Variants in RANBP3 observed in about 807,000 individuals in gnomAD.
The protein encoded by RANBP3 is RAN binding protein 3.
In RANBP3, 14 loss-of-function variants were observed where a neutral mutation model predicts 77.3. The observed-to-expected ratio is 0.18, with a 90% CI of 0.12 to 0.28. RANBP3 has a LOEUF of 0.28. Ranked by LOEUF, RANBP3 falls within the 10% of genes least tolerant of loss-of-function variation. RANBP3 has a pLI of 1.00. For synonymous variants in RANBP3, 315 were observed against 312.4 expected (o/e 1.01, Z -0.09); for missense variants, 586 against 752.3 (o/e 0.78, Z 2.59).
At chr19:5,925,213 G>A (rs1005576451) in intron 10 of RANBP3, 5 of 490,878 alleles carry the variant, frequency 1.0e-5, no homozygotes, top group African/African-American at 3.9e-5. Context: ...CAGCTGGTCC[G>A]TGGGTAGCAT....
intron 6 of RANBP3, 65 bp from the exon 7 acceptor site, chr19:5,932,609 A>C (rs549816747): frequency 7.5e-7 from 1 of 1,336,290 alleles, no homozygotes; most frequent in Non-Finnish European, 1.1e-6. Flanking sequence ...CGCTTCAGAG[A>C]CTGACCCCTG....
chr19:5,973,125 A>G (rs2058549614), intron 1 of RANBP3, among the ~76,000 whole-genome samples: 1 of 152,224 alleles, frequency 6.6e-6, no homozygotes, highest in South Asian at 2.1e-4. Context: ...TTCTGCTCTA[A>G]GCAAAAATCC....
chr19:5,919,318 G>T (rs1275761051), intron 14 of RANBP3, among the ~76,000 whole-genome samples: 1 of 152,214 alleles, frequency 6.6e-6, no homozygotes, highest in Non-Finnish European at 1.5e-5. Flanking sequence ...CTACCTTCCT[G>T]CCAGCCGCCT....
At chr19:5,962,557 C>G (rs992904384) in intron 1 of RANBP3, 4 of 412,430 alleles carry the variant, frequency 9.7e-6, no homozygotes, top group Non-Finnish European at 2.0e-5. Context: ...ATGGTCAGGG[C>G]TCTCCAGAGG....
intron 5 of RANBP3, 31 bp downstream of exon 5, chr19:5,941,587 CGCT>C: frequency 6.4e-7 from 1 of 1,555,876 alleles, no homozygotes; most frequent in Non-Finnish European, 8.8e-7. Flanking sequence ...TAAGCATAAA[CGCT>C]TTCACCATTC....
chr19:5,946,604 G>C (rs2058208394), intron 3 of RANBP3, among the ~76,000 whole-genome samples: 2 of 152,170 alleles, frequency 1.3e-5, no homozygotes, highest in South Asian at 4.1e-4. Context: ...CGTGCCTGTG[G>C]ACAGAGCTCT....
chr19:5,977,281 A>G (rs1350988796), intron 1 of RANBP3, among the ~76,000 whole-genome samples: 1 of 152,038 alleles, frequency 6.6e-6, no homozygotes, highest in African/African-American at 2.4e-5. Context: ...GGAAGCAGAC[A>G]TCAGCCTTAT....
chr19:5,920,307 G>A (rs2145013670), intron 14 of RANBP3, among the ~76,000 whole-genome samples: 1 of 152,302 alleles, frequency 6.6e-6, no homozygotes, highest in South Asian at 2.1e-4. Context: ...GCTGAGGTGG[G>A]AGGATCACTT....
intron 3 of RANBP3, among the ~76,000 whole-genome samples, chr19:5,947,798 G>A (rs910139660): frequency 1.3e-5 from 2 of 152,232 alleles, no homozygotes; most frequent in African/African-American, 4.8e-5. Flanking sequence ...GCCATAGGGA[G>A]CTTGTGGGAA....
intron 2 of RANBP3, among the ~76,000 whole-genome samples, chr19:5,954,524 A>G (rs2058312911): frequency 6.6e-6 from 1 of 152,202 alleles, no homozygotes; most frequent in Non-Finnish European, 1.5e-5. Flanking sequence ...AGGTGAGGGC[A>G]GCAATGCTAA....
chr19:5,927,900 C>A, intron 9 of RANBP3, 68 bp downstream of exon 9: 2 of 1,542,370 alleles, frequency 1.3e-6, no homozygotes, highest in Non-Finnish European at 8.7e-7. Context: ...GAAAATCTAC[C>A]TACTTGCCTG....
Position 5,941,727 on chromosome 19 carries a change from G to C in RANBP3, c.320-20C>G. Reference sequence around the variant, plus strand: ...CAGAATCTACAGAAAATGATGAGAAGAGGAGGAGAAAAATCAGGTTGCTTC... The same window carrying C: ...CAGAATCTACAGAAAATGATGAGAACAGGAGGAGAAAAATCAGGTTGCTTC... On this transcript the variant is annotated intron_variant, in intron 4 of 16. Coordinates refer to ENST00000340578, the MANE Select transcript of RANBP3 (RefSeq NM_007322.3). 1 of 1,612,542 alleles carries C rather than the reference G, an allele frequency of 6.2e-7. No individual in the cohort carries two copies. Among genetic ancestry groups the C allele is most frequent in the Non-Finnish European group, 8.5e-7 (1 of 1,179,202 alleles).
chr19:5,951,509 C>T lies in RANBP3; in HGVS notation c.166G>A (p.Glu56Lys), dbSNP rs1490463714. ...TCTAGGGCATGCTCGCCAGCTGACT[C>T]GGGGTGACCCGTGCCATGGTGGGGG... ...EAPHHGTGHP[E>K]SAGEHALEPP... is the part of the protein sequence containing the mutation. Residue 56 changes from glutamate to lysine, a missense_variant, in exon 3 of 17, where the codon GAG becomes AAG. By Grantham distance (56) the Glu-to-Lys change is moderately conservative. Around this residue, in one of 5 missense-constraint regions of RANBP3, gnomAD observed 172 missense variants for 183.4 expected, o/e 0.94. Coordinates refer to ENST00000340578, the MANE Select transcript of RANBP3 (RefSeq NM_007322.3). 17 of 1,611,204 alleles carry T rather than the reference C, an allele frequency of 1.1e-5. No homozygotes were observed. The highest frequency in any genetic ancestry group is 6.7e-5 in the African/African-American group (5 of 74,908).
chr19:5,925,817 T>C (rs2057900296), intron 9 of RANBP3, 80 bp from the exon 10 acceptor site: 1 of 1,174,058 alleles, frequency 8.5e-7, no homozygotes, highest in East Asian at 2.4e-5. Context: ...GCAGACCCCC[T>C]GAGCTGCATG....
At chr19:5,951,292 C>T in intron 3 of RANBP3, 101 bp downstream of exon 3, 1 of 1,105,142 alleles carries the variant, frequency 9.0e-7, no homozygotes, top group Non-Finnish European at 1.3e-6. Flanking sequence ...TAGCTGCTTA[C>T]AATTAGCTAG....
chr19:5,977,997 G>A (rs1555768234), intron 1 of RANBP3, 64 bp downstream of exon 1: 14 of 1,596,524 alleles, frequency 8.8e-6, no homozygotes, highest in African/African-American at 1.4e-5. Flanking sequence ...AGGGCTTGTG[G>A]CCCCTAGTCC....
chr19:5,939,959 T>C (rs975219069), intron 5 of RANBP3, among the ~76,000 whole-genome samples: 3 of 152,118 alleles, frequency 2.0e-5, no homozygotes, highest in Admixed American at 2.0e-4. Flanking sequence ...TCCATGGGGT[T>C]CCCCCTCCCC....
chr19:5,925,837 G>C (rs2057900623), intron 9 of RANBP3, 100 bp from the exon 10 acceptor site: 4 of 955,002 alleles, frequency 4.2e-6, no homozygotes, highest in Non-Finnish European at 6.6e-6. Flanking sequence ...GGAGCTGCTC[G>C]GAGCCATGAA....
intron 13 of RANBP3, among the ~76,000 whole-genome samples, chr19:5,922,277 C>T (rs2057831440): frequency 6.6e-6 from 1 of 152,220 alleles, no homozygotes; most frequent in Admixed American, 6.5e-5. Context: ...ACAGACACCC[C>T]TACATGGCTT....
Sources: allele counts gnomAD v4.1 joint callset (sites outside exome capture counted in the v4.1 genomes callset), GRCh38; gene constraint gnomAD v4.1.1; regional missense constraint gnomAD v4.1.1; transcripts MANE v1.5; gene names NCBI Gene and HGNC (gene_info 2026-07-23, HGNC 2026-07-21).